EPHA5: variants seen among roughly 807,000 people sequenced by gnomAD.
EPHA5 encodes ephrin type-A receptor 5.
EPHA5 carries 60 observed loss-of-function variants against 105.0 expected under a neutral mutation model. The observed-to-expected ratio is 0.57, with a 90% CI of 0.46 to 0.71. EPHA5 has a LOEUF of 0.71. Among genes scored for constraint, EPHA5 ranks in the 30% least tolerant of loss-of-function variants. EPHA5 has a pLI of 0.00. For missense variants in EPHA5, 1,218 were observed against 1,274.7 expected, an observed-to-expected ratio of 0.96 and a Z score of 0.68; for synonymous variants, 513 against 449.1, an observed-to-expected ratio of 1.14 and a Z score of -1.80.
chr4:65,410,467 A>T (rs1229884079), intron 7 of EPHA5, among the ~76,000 whole-genome samples: 3 of 152,178 alleles, frequency 2.0e-5, no homozygotes, highest in Non-Finnish European at 4.4e-5. Flanking sequence ...AACACAAGGG[A>T]TCTTTACGGT....
chr4:65,480,125 A>G (rs1050331965), intron 5 of EPHA5, among the ~76,000 whole-genome samples: 1 of 152,172 alleles, frequency 6.6e-6, no homozygotes, highest in Non-Finnish European at 1.5e-5. Context: ...CAAGGAAAGA[A>G]GGAAAGGAAG....
intron 8 of EPHA5, among the ~76,000 whole-genome samples, chr4:65,390,873 C>T (rs149072093): frequency 1.5e-4 from 23 of 152,004 alleles, no homozygotes; most frequent in East Asian, 3.9e-4. Flanking sequence ...AGAGACAGTA[C>T]GGGAATTTTG....
At chr4:65,519,088 C>A (rs982945825) in intron 3 of EPHA5, among the ~76,000 whole-genome samples, 1 of 152,076 alleles carries the variant, frequency 6.6e-6, no homozygotes. Context: ...CAAACTGAAT[C>A]CAGCAGCACA....
At chr4:65,382,837 C>T (rs1577971259) in intron 8 of EPHA5, among the ~76,000 whole-genome samples, 2 of 151,624 alleles carry the variant, frequency 1.3e-5, no homozygotes, top group East Asian at 2.0e-4. Context: ...TCAATAAACA[C>T]GTATTGTATT....
intron 8 of EPHA5, among the ~76,000 whole-genome samples, chr4:65,395,658 T>C (rs747522246): frequency 2.0e-5 from 3 of 152,180 alleles, no homozygotes; most frequent in Non-Finnish European, 4.4e-5. Context: ...AATTGTTGAA[T>C]AGAACATAAG....
In EPHA5 at chr4:65,670,468, C is replaced by G. The variant is rs1185283406; in HGVS notation, c.-726G>C. The G allele has an allele frequency of 2.1e-5, 5 of 233,136 alleles. No individual in the cohort carries two copies. The highest frequency in any genetic ancestry group is 5.6e-5 in the Admixed American group (1 of 17,778). 14.4% of individuals were successfully genotyped at this position (233,136 alleles called of 1,614,324 possible). On this transcript the variant is annotated 5_prime_UTR_variant, in exon 1 of 17. Coordinates refer to ENST00000613740, the MANE Select transcript of EPHA5 (RefSeq NM_001281766.3). ...TGCGAAGTCGAGGTTGAAACTGCAC[C>G]GCCAAGGCGCGCTCCTGCTGTGTCT... is the stretch of plus-strand genomic sequence containing the variant.
chr4:65,488,825 A>C (rs1241036451), intron 5 of EPHA5, among the ~76,000 whole-genome samples: 1 of 151,460 alleles, frequency 6.6e-6, no homozygotes, highest in African/African-American at 2.4e-5. Flanking sequence ...GCTAATTTTG[A>C]ATGTTTCCGT....
In EPHA5 at chr4:65,336,071, C is replaced by A. The variant is rs970914164; in HGVS notation, c.2650G>T (p.Ala884Ser). Residue 884 changes from alanine (A) to serine (S), a missense_variant, in exon 15 of 17, where the codon GCT becomes TCT. Around this residue, in one of 3 missense-constraint regions of EPHA5, gnomAD observed 971 missense variants for 1,013.5 expected, o/e 0.96. Coordinates refer to ENST00000613740, the MANE Select transcript of EPHA5 (RefSeq NM_001281766.3). ...TCCAGCATTAACTGATAGAGAGCAG[C>A]AGGACAATCCATGGGGCTTGGCAGA... Reference protein sequence around the residue: ...YRLPSPMDCPAALYQLMLDCW... With the variant: ...YRLPSPMDCPSALYQLMLDCW... 1 of 1,613,016 alleles carries A rather than the reference C, an allele frequency of 6.2e-7. No homozygotes were observed. The highest frequency in any genetic ancestry group is 8.5e-7 in the Non-Finnish European group (1 of 1,179,440).
chr4:65,600,818 A>G (rs1743647189), intron 3 of EPHA5, among the ~76,000 whole-genome samples: 1 of 152,170 alleles, frequency 6.6e-6, no homozygotes, highest in Non-Finnish European at 1.5e-5. Context: ...GTTTTGATAT[A>G]AAATACTCCC....
At chr4:65,609,687 G>C (rs922668422) in intron 2 of EPHA5, among the ~76,000 whole-genome samples, 1 of 148,542 alleles carries the variant, frequency 6.7e-6, no homozygotes, top group African/African-American at 2.5e-5. Context: ...TTTCAAAAAC[G>C]TATGGATCCT....
chr4:65,478,098 C>T (rs77797703), intron 5 of EPHA5, among the ~76,000 whole-genome samples: 1,774 of 152,240 alleles, frequency 0.012, 37 homozygotes, highest in African/African-American at 0.04. Context: ...AAACAGCAAA[C>T]GCACAAGGTA....
intron 5 of EPHA5, among the ~76,000 whole-genome samples, chr4:65,476,216 C>T (rs1011227364): frequency 6.0e-5 from 9 of 151,096 alleles, no homozygotes; most frequent in Admixed American, 2.6e-4. Context: ...AAATTCAGGG[C>T]ATGGAGTCCA....
At position 65,634,375 on chromosome 4, in the gene EPHA5, A is replaced by G. The variant is rs1746921618; in HGVS notation, c.246+8988T>C. Among the ~76,000 whole-genome samples the G allele has an allele frequency of 2.0e-5, 3 of 152,200 alleles. No individual in the cohort carries two copies. In the South Asian group the frequency reaches 6.2e-4, roughly 32 times the overall value. On this transcript the variant is annotated intron_variant, in intron 2 of 16. Transcript: ENST00000613740. ...CTATGACTATTATCAATTCATTTTA[A>G]GTGTTTGTATATATCAAAGACTAAA...
intron 3 of EPHA5, among the ~76,000 whole-genome samples, chr4:65,555,205 G>A (rs1304080539): frequency 4.6e-5 from 7 of 151,806 alleles, no homozygotes; most frequent in African/African-American, 7.3e-5. Flanking sequence ...AGTAGCAATG[G>A]ATATGTGTGT....
chr4:65,402,481 A>T (rs1287024365), intron 8 of EPHA5, among the ~76,000 whole-genome samples: 1 of 152,160 alleles, frequency 6.6e-6, no homozygotes. Context: ...TCACCAGTAA[A>T]TTCACTGTGC....
At chr4:65,436,098 G>A (rs1457332888) in intron 5 of EPHA5, among the ~76,000 whole-genome samples, 3 of 151,938 alleles carry the variant, frequency 2.0e-5, no homozygotes, top group Admixed American at 2.0e-4. Flanking sequence ...TTTCTGTGAG[G>A]TAGATTAAGC....
chr4:65,350,118 C>T (rs1328175246), intron 13 of EPHA5, among the ~76,000 whole-genome samples: 1 of 152,082 alleles, frequency 6.6e-6, no homozygotes. Flanking sequence ...ATCACACTGG[C>T]AATGGATAGT....
chr4:65,557,260 T>TATATATATATATATATATATA (rs1264706656), intron 3 of EPHA5, among the ~76,000 whole-genome samples: 2 of 25,548 alleles, frequency 7.8e-5, no homozygotes, highest in East Asian at 1.6e-3. Flanking sequence ...ATATATATAT[T>TATATATATATATATATATATA]CTCACACTTT....
chr4:65,652,789 A>G (rs1255756725), intron 1 of EPHA5, among the ~76,000 whole-genome samples: 4 of 152,180 alleles, frequency 2.6e-5, no homozygotes, highest in Non-Finnish European at 4.4e-5. Context: ...TAGAACAGAC[A>G]TTAGGTTTTC....
Sources: allele counts gnomAD v4.1 joint callset (sites outside exome capture counted in the v4.1 genomes callset), GRCh38; gene constraint gnomAD v4.1.1; regional missense constraint gnomAD v4.1.1; transcripts MANE v1.5; gene names NCBI Gene and HGNC (gene_info 2026-07-23, HGNC 2026-07-21).